Variants in TACC2 observed in about 807,000 individuals in gnomAD.
The protein encoded by TACC2 is transforming acidic coiled-coil-containing protein 2.
TACC2 carries 137 observed loss-of-function variants against 227.3 expected under a neutral mutation model. That is an observed-to-expected ratio of 0.60 (90% CI 0.52 to 0.69). TACC2 has a LOEUF of 0.69. Among genes scored for constraint, TACC2 ranks in the 30% least tolerant of loss-of-function variants. The pLI is 0.00. For missense variants in TACC2, 3,470 were observed against 3,694.4 expected (o/e 0.94, Z 1.57); for synonymous variants, 1,523 against 1,487.5 (o/e 1.02, Z -0.55).
At chr10:122,005,683 C>CTTT (rs67744191) in intron 1 of TACC2, among the ~76,000 whole-genome samples, 1 of 108,392 alleles carries the variant, frequency 9.2e-6, no homozygotes. Context: ...CGTGCCTGGC[C>CTTT]TTTTTTTTTT....
Position 122,041,598 on chromosome 10 carries a change from CG to C in TACC2, c.34-8839del, listed in dbSNP as rs564258346. ...AGTAGCTGGGATTACAGGTGCACACCGCCATGCCTGGCTACTTTTTTGTATT... is the reference window on the plus strand; with the variant it reads ...AGTAGCTGGGATTACAGGTGCACACCCCATGCCTGGCTACTTTTTTGTATT... On this transcript the variant is annotated intron_variant, in intron 2 of 22. Transcript: ENST00000369005. 1.3e-3 allele frequency among the ~76,000 whole-genome samples: 198 copies of C among 152,160 alleles called. 1 individual carries two copies. The highest frequency in any genetic ancestry group is 2.2e-3 in the Admixed American group (33 of 15,282).
chr10:122,220,819 T>C (rs1589687966), intron 11 of TACC2, among the ~76,000 whole-genome samples: 1 of 152,238 alleles, frequency 6.6e-6, no homozygotes. Flanking sequence ...TTTCATTTCA[T>C]CCTCTCAGTC....
intron 7 of TACC2, among the ~76,000 whole-genome samples, chr10:122,175,723 A>G (rs2093664099): frequency 6.6e-6 from 1 of 152,224 alleles, no homozygotes; most frequent in South Asian, 2.1e-4. Context: ...CTCAGGGACC[A>G]GGGAAATATC....
At position 122,216,842 on chromosome 10, in the gene TACC2, T is replaced by G; in HGVS notation, c.7546+14T>G. 1.2e-6 allele frequency: 2 copies of G among 1,614,118 alleles called. No individual in the cohort carries two copies. Among genetic ancestry groups the G allele is most frequent in the South Asian group, 2.2e-5 (2 of 91,078 alleles). On this transcript the variant is annotated intron_variant, in intron 11 of 22. Transcript: ENST00000369005. ...CACCCACTGAGGGTAAGCAACTCTG[T>G]AGCCAGCTGGACCCCCACTCTGCCT...
At chr10:122,058,068 T>G (rs2076387296) in intron 3 of TACC2, among the ~76,000 whole-genome samples, 1 of 152,234 alleles carries the variant, frequency 6.6e-6, no homozygotes, top group Non-Finnish European at 1.5e-5. Context: ...CCACCCACCA[T>G]GGAGTGGTTC....
At chr10:122,043,301 G>C (rs1358464413) in intron 2 of TACC2, among the ~76,000 whole-genome samples, 3 of 152,130 alleles carry the variant, frequency 2.0e-5, no homozygotes, top group Admixed American at 6.6e-5. Flanking sequence ...ATCCTTTTAG[G>C]GTAATGGCCA....
In TACC2 at chr10:122,134,258, G is replaced by A. The variant is rs111614511; in HGVS notation, c.5699+1524G>A. On this transcript the variant is annotated intron_variant, in intron 6 of 22. Transcript: ENST00000369005. ...ACAATCTCTGCTCACTGCAACCTCC[G>A]CTTCCTGGGTTCAAGCGATTCTCCT... Among the ~76,000 whole-genome samples, 1,140 of 150,072 alleles carry A rather than the reference G, an allele frequency of 7.6e-3. 17 individuals are homozygous for A. The highest frequency in any genetic ancestry group is 0.026 in the African/African-American group (1,066 of 40,494).
chr10:122,237,357 G>A, intron 16 of TACC2, 38 bp from the exon 17 acceptor site: 1 of 1,582,166 alleles, frequency 6.3e-7, no homozygotes. Context: ...TATGATTAAT[G>A]CTAACTGTTT....
At chr10:122,112,275 C>G (rs2083745793) in intron 5 of TACC2, among the ~76,000 whole-genome samples, 1 of 152,164 alleles carries the variant, frequency 6.6e-6, no homozygotes, top group Non-Finnish European at 1.5e-5. Flanking sequence ...AGGTAAGCAC[C>G]ACTTCTGGGT....
At chr10:122,079,709 C>T (rs1323479789) in intron 3 of TACC2, among the ~76,000 whole-genome samples, 1 of 152,192 alleles carries the variant, frequency 6.6e-6, no homozygotes, top group Non-Finnish European at 1.5e-5. Flanking sequence ...AGTTTTTATT[C>T]TGCATAGCAG....
At chr10:122,073,152 T>TATACAC (rs1407096697) in intron 3 of TACC2, among the ~76,000 whole-genome samples, 1 of 92,524 alleles carries the variant, frequency 1.1e-5, no homozygotes, top group Admixed American at 1.3e-4. Context: ...TATATATATA[T>TATACAC]ACACACACAC....
Position 122,211,393 on chromosome 10 carries a change from C to G in TACC2, c.6968C>G (p.Ala2323Gly). Residue 2323 changes from alanine to glycine, a missense_variant, in exon 9 of 23, where the codon GCT becomes GGT. Physicochemically the swap from Ala to Gly is moderately conservative, Grantham distance 60. Coordinates refer to ENST00000369005, the MANE Select transcript of TACC2 (RefSeq NM_206862.4). The stretch of plus-strand genomic sequence containing the variant: ...CCTGCCTCACCTCCCAGATCCCCTG[C>G]TGAACCCAATGACATCCCCATTGCT... ...NTPASPPRSP[A>G]EPNDIPIAKG... 6.2e-7 allele frequency: 1 copy of G among 1,614,124 alleles called. No homozygotes were observed. The highest frequency in any genetic ancestry group is 1.1e-5 in the South Asian group (1 of 91,056).
At chr10:121,999,020 T>C (rs1350148546) in intron 1 of TACC2, among the ~76,000 whole-genome samples, 2 of 151,708 alleles carry the variant, frequency 1.3e-5, no homozygotes, top group Non-Finnish European at 2.9e-5. Flanking sequence ...TTCTTTTTTT[T>C]TTTTTTTGAG....
rs775004619 is a variant in TACC2, at chr10:122,211,197, G to T, written c.6772G>T (p.Ala2258Ser). Residue 2258 changes from alanine to serine, a missense_variant, in exon 9 of 23, where the codon GCC becomes TCC. By Grantham distance (99) the Ala-to-Ser change is moderately conservative. This residue lies in a region of TACC2 where 593 missense variants were observed against 636.6 expected (regional missense o/e 0.93). Transcript: ENST00000369005. ...SDSGGQEDSP[A>S]KGLSVRLEFD... Reference sequence around the variant, plus strand: ...TAGCGGGGGGCAAGAGGACTCTCCAGCCAAAGGGCTCTCCGTAAGGCTGGA... The same window carrying T: ...TAGCGGGGGGCAAGAGGACTCTCCATCCAAAGGGCTCTCCGTAAGGCTGGA... 17 of 1,613,706 alleles carry T rather than the reference G, an allele frequency of 1.1e-5. No individual in the cohort carries two copies. The highest frequency in any genetic ancestry group is 3.3e-4 in the Middle Eastern group (2 of 6,080).
At chr10:122,225,741 C>T (rs986890742) in intron 12 of TACC2, among the ~76,000 whole-genome samples, 3 of 152,198 alleles carry the variant, frequency 2.0e-5, no homozygotes, top group South Asian at 2.1e-4. Context: ...GCAGGCCTCG[C>T]GGATGAATTC....
At chr10:122,008,765 G>T (rs915302561) in intron 1 of TACC2, among the ~76,000 whole-genome samples, 4 of 151,762 alleles carry the variant, frequency 2.6e-5, no homozygotes, top group African/African-American at 9.7e-5. Flanking sequence ...TAGAGATGGG[G>T]TTTTGCCATG....
rs146123247 is a variant in TACC2, at chr10:122,156,227, CT to C, written c.5834+12535del. Among the ~76,000 whole-genome samples the C allele has an allele frequency of 4.3e-3, 568 of 133,418 alleles. 2 individuals carry two copies. Among genetic ancestry groups the C allele is most frequent in the South Asian group, 9.5e-3 (39 of 4,100 alleles). 87.5% of individuals were successfully genotyped at this position (133,418 alleles called of 152,430 possible). A position where few individuals can be genotyped will look rare whatever the true frequency, so the allele number is the denominator to read the frequency against. ...TATTTTAGATTTAACAAAATGTAGA[CT>C]TTTTTTTTTTTTTGAGACAGAGTCT... is the stretch of plus-strand genomic sequence containing the variant. On this transcript the variant is annotated intron_variant, in intron 7 of 22. Coordinates refer to ENST00000369005, the MANE Select transcript of TACC2 (RefSeq NM_206862.4).
At chr10:122,041,507 C>T (rs915826357) in intron 2 of TACC2, among the ~76,000 whole-genome samples, 26 of 147,554 alleles carry the variant, frequency 1.8e-4, no homozygotes, top group Non-Finnish European at 3.4e-4. Flanking sequence ...AATGCAATGG[C>T]GCGATCTCGG....
chr10:122,184,395 A>C (rs1323622465), intron 7 of TACC2, among the ~76,000 whole-genome samples: 1 of 152,056 alleles, frequency 6.6e-6, no homozygotes, highest in Non-Finnish European at 1.5e-5. Context: ...GTTTCTTCCA[A>C]ACTCCTTGTT....
Sources: allele counts gnomAD v4.1 joint callset (sites outside exome capture counted in the v4.1 genomes callset), GRCh38; gene constraint gnomAD v4.1.1; regional missense constraint gnomAD v4.1.1; transcripts MANE v1.5; gene names NCBI Gene and HGNC (gene_info 2026-07-23, HGNC 2026-07-21).